Variants in SCARA5 observed in about 807,000 individuals in gnomAD.
SCARA5 encodes scavenger receptor class A member 5, also known as scavenger receptor class A, member 5 (putative).
SCARA5 carries 45 observed loss-of-function variants against 46.3 expected under a neutral mutation model. The ratio of observed to expected loss-of-function variants is 0.97; its 90% CI spans 0.76 to 1.24. SCARA5 has a LOEUF of 1.24. SCARA5 is among the 50% of genes most tolerant of loss of function. The pLI is 0.00. For synonymous variants in SCARA5, 333 were observed against 306.5 expected, an observed-to-expected ratio of 1.09 and a Z score of -0.90; for missense variants, 680 against 689.0, an observed-to-expected ratio of 0.99 and a Z score of 0.15.
intron 7 of SCARA5, among the ~76,000 whole-genome samples, chr8:27,897,159 C>A (rs537095571): frequency 5.3e-4 from 80 of 151,892 alleles, no homozygotes; most frequent in Non-Finnish European, 6.6e-4. Flanking sequence ...AGATAGCTGG[C>A]CCCAAACACC....
At chr8:27,951,561 T>C (rs1250390045) in intron 3 of SCARA5, among the ~76,000 whole-genome samples, 2 of 152,104 alleles carry the variant, frequency 1.3e-5, no homozygotes, top group Non-Finnish European at 2.9e-5. Context: ...AGTGCCAGGG[T>C]CAGGAGACCC....
chr8:27,945,664 C>T (rs1009288750), intron 3 of SCARA5, among the ~76,000 whole-genome samples: 5 of 152,174 alleles, frequency 3.3e-5, no homozygotes, highest in Admixed American at 3.3e-4. Context: ...AAGATAAGAA[C>T]CAGGTCTTAT....
At chr8:27,883,289 G>A (rs1311187120) in intron 7 of SCARA5, among the ~76,000 whole-genome samples, 1 of 152,248 alleles carries the variant, frequency 6.6e-6, no homozygotes, top group Non-Finnish European at 1.5e-5. Context: ...ACAAAGCCAG[G>A]GTTTGGCTGG....
intron 4 of SCARA5, among the ~76,000 whole-genome samples, chr8:27,913,628 GGCCTGGC>G (rs1807413831): frequency 1.3e-5 from 2 of 152,106 alleles, no homozygotes; most frequent in African/African-American, 2.4e-5. Flanking sequence ...AGGTCCTTAT[GGCCTGGC>G]TCTGGCCTTT....
rs1206254711 is a variant in SCARA5, at chr8:27,922,153, G to A, written c.334C>T (p.Leu112=). 6.2e-7 allele frequency: 1 copy of A among 1,607,642 alleles called. No individual in the cohort carries two copies. Among genetic ancestry groups the A allele is most frequent in the African/African-American group, 1.3e-5 (1 of 74,624 alleles). ...TCCGCTTGCAGCGGAGCCTGCAGCAGCCGCAGCTGCAAGTCCCGGAAGCTC... is the reference window on the plus strand; with the variant it reads ...TCCGCTTGCAGCGGAGCCTGCAGCAACCGCAGCTGCAAGTCCCGGAAGCTC... ...NESFRDLQLR[L]LQAPLQADLT... The change falls in exon 4 of 9, where the codon CTG becomes TTG. Residue 112 remains leucine (L), a synonymous_variant. Coordinates refer to ENST00000354914, the MANE Select transcript of SCARA5 (RefSeq NM_173833.6).
At chr8:27,912,378 G>A (rs142906978) in intron 4 of SCARA5, among the ~76,000 whole-genome samples, 62 of 152,190 alleles carry the variant, frequency 4.1e-4, no homozygotes, top group Middle Eastern at 6.8e-3. Context: ...TGGCACGCAC[G>A]CAGGGAAAAA....
intron 3 of SCARA5, among the ~76,000 whole-genome samples, chr8:27,955,553 C>G (rs1808194523): frequency 6.6e-6 from 1 of 152,142 alleles, no homozygotes; most frequent in Admixed American, 6.5e-5. Context: ...ACCAAACACA[C>G]CATCTGCCTG....
In SCARA5 at chr8:27,969,354, T is replaced by C. The variant is rs543595361; in HGVS notation, c.113-2812A>G. ...TGCACTATCAAGCCATGACAAGACA[T>C]GGAGGAATGTTAAATGAGTAATTAA... On this transcript the variant is annotated intron_variant, in intron 2 of 8. Coordinates refer to ENST00000354914, the MANE Select transcript of SCARA5 (RefSeq NM_173833.6). Among the ~76,000 whole-genome samples the C allele has an allele frequency of 3.9e-5, 6 of 152,198 alleles. No individual in the cohort carries two copies. In the East Asian group the frequency reaches 1.2e-3, roughly 29 times the overall value.
At chr8:27,982,864 A>T (rs2129977335) in intron 2 of SCARA5, among the ~76,000 whole-genome samples, 1 of 152,240 alleles carries the variant, frequency 6.6e-6, no homozygotes, top group Non-Finnish European at 1.5e-5. Context: ...GAAGAAAGGG[A>T]AGGGATAAAG....
intron 7 of SCARA5, among the ~76,000 whole-genome samples, chr8:27,902,214 G>C (rs769084614): frequency 6.6e-5 from 10 of 152,166 alleles, no homozygotes; most frequent in Non-Finnish European, 1.2e-4. Context: ...CTTCGAGGCA[G>C]GAAAGAAAGC....
chr8:27,972,385 A>T (rs1196257610), intron 2 of SCARA5, among the ~76,000 whole-genome samples: 2 of 152,104 alleles, frequency 1.3e-5, no homozygotes, highest in Non-Finnish European at 2.9e-5. Flanking sequence ...ACTTTAACAG[A>T]TTTATACCTG....
rs527644894 is a variant in SCARA5, at chr8:27,978,981, A to G, written c.112+8523T>C. The stretch of plus-strand genomic sequence containing the variant: ...ATCAGGTAACACACTCCCACTCCTC[A>G]CTTTTGTCTTGCTTCCTCACACTTG... On this transcript the variant is annotated intron_variant, in intron 2 of 8. Coordinates refer to ENST00000354914, the MANE Select transcript of SCARA5 (RefSeq NM_173833.6). 3.9e-5 allele frequency among the ~76,000 whole-genome samples: 6 copies of G among 151,994 alleles called. No individual in the cohort carries two copies. In the East Asian group the frequency reaches 1.2e-3, roughly 29 times the overall value.
intron 4 of SCARA5, among the ~76,000 whole-genome samples, chr8:27,916,374 C>G (rs1807460817): frequency 1.3e-5 from 2 of 151,846 alleles, no homozygotes; most frequent in South Asian, 4.2e-4. Context: ...TGTGTGTGTA[C>G]ATGCACATTT....
chr8:27,892,627 T>TCC (rs1440963316), intron 7 of SCARA5, among the ~76,000 whole-genome samples: 2 of 144,296 alleles, frequency 1.4e-5, no homozygotes, highest in African/African-American at 2.6e-5. Context: ...TTTTTTTTTT[T>TCC]GAGACGGAGT....
At chr8:27,874,970 G>T (rs561660808) in intron 8 of SCARA5, among the ~76,000 whole-genome samples, 2 of 152,092 alleles carry the variant, frequency 1.3e-5, no homozygotes, top group South Asian at 4.2e-4. Context: ...CTCCCATTTG[G>T]GTCTTTCTTG....
intron 7 of SCARA5, among the ~76,000 whole-genome samples, chr8:27,900,589 A>G (rs115180172): frequency 0.027 from 4,167 of 152,148 alleles, 171 homozygotes; most frequent in African/African-American, 0.095. Context: ...TTTTTTTTCC[A>G]TATGAAACCA....
intron 8 of SCARA5, among the ~76,000 whole-genome samples, chr8:27,878,108 C>T (rs752503111): frequency 6.6e-6 from 1 of 152,302 alleles, no homozygotes; most frequent in Non-Finnish European, 1.5e-5. Context: ...TGTGGGGAAC[C>T]CTGCCGTCAG....
At chr8:27,905,936 C>T (rs1807255223) in intron 6 of SCARA5, among the ~76,000 whole-genome samples, 1 of 152,144 alleles carries the variant, frequency 6.6e-6, no homozygotes, top group African/African-American at 2.4e-5. Context: ...GTCTTGAACT[C>T]CTGGCCTCAA....
intron 3 of SCARA5, among the ~76,000 whole-genome samples, chr8:27,932,433 G>A (rs969209990): frequency 2.6e-5 from 4 of 152,162 alleles, no homozygotes; most frequent in African/African-American, 4.8e-5. Flanking sequence ...AGTCCTCTCC[G>A]GCTGCTGTAA....
Sources: gnomAD v4.1 joint callset for allele counts (sites outside exome capture counted in the v4.1 genomes callset) on GRCh38, gnomAD v4.1.1 for gene constraint, MANE v1.5 for transcripts, NCBI Gene and HGNC (gene_info 2026-07-23, HGNC 2026-07-21) for gene names.